NAP1L1: variants seen among roughly 807,000 people sequenced by gnomAD.
The protein encoded by NAP1L1 is nucleosome assembly protein 1 like 1.
A neutral mutation model predicts 58.9 loss-of-function variants in NAP1L1; 9 were observed. That is an observed-to-expected ratio of 0.15 (90% CI 0.09 to 0.27). The LOEUF is 0.27. Among genes scored for constraint, NAP1L1 ranks in the 10% least tolerant of loss-of-function variants. The pLI is 1.00. For synonymous variants in NAP1L1, 130 were observed against 138.3 expected (o/e 0.94, Z 0.42); for missense variants, 302 against 458.8 (o/e 0.66, Z 3.12).
Position 76,050,514 on chromosome 12 carries a change from G to T in NAP1L1, c.1059+17C>A, listed in dbSNP as rs544438460. The T allele has an allele frequency of 1.9e-6, 3 of 1,594,620 alleles. No individual in the cohort carries two copies. The African/African-American group carries it at 4.1e-5, about 22-fold the overall frequency. The stretch of plus-strand genomic sequence containing the variant: ...CCCTCAACCAATTATTTCTTTGCAG[G>T]ATTCAAATTCGCTTACATCATCATC... On this transcript the variant is annotated intron_variant, in intron 12 of 14. Coordinates refer to ENST00000618691, the MANE Select transcript of NAP1L1 (RefSeq NM_004537.7).
chr12:76,074,120 T>C lies in NAP1L1; in HGVS notation c.17+83A>G, dbSNP rs896119359. 5 of 1,175,910 alleles carry C rather than the reference T, an allele frequency of 4.3e-6. No individual in the cohort carries two copies. The African/African-American group carries it at 7.7e-5, about 18-fold the overall frequency. 72.8% of individuals were successfully genotyped at this position (1,175,910 alleles called of 1,614,324 possible). On this transcript the variant is annotated intron_variant, in intron 2 of 14. Coordinates refer to ENST00000618691, the MANE Select transcript of NAP1L1 (RefSeq NM_004537.7). ...CATTAGTAACTACATTTTCATAATA[T>C]ATAATTCATACTACTTGCTGTTAAG... is the stretch of plus-strand genomic sequence containing the variant.
rs1384471727 is a variant in NAP1L1 at position 76,047,163 on chromosome 12, T to TAA, written c.*1265_*1266insTT. The TAA allele has an allele frequency of 3.3e-5, 5 of 152,448 alleles. No homozygotes were observed. Among genetic ancestry groups the TAA allele is most frequent in the African/African-American group, 4.8e-5 (2 of 41,438 alleles). 9.4% of individuals were successfully genotyped at this position (152,448 alleles called of 1,614,324 possible). On this transcript the variant is annotated 3_prime_UTR_variant, in exon 15 of 15. Coordinates refer to ENST00000618691, the MANE Select transcript of NAP1L1 (RefSeq NM_004537.7). The stretch of plus-strand genomic sequence containing the variant: ...ACAAATAGGCCCAAAATTTTGAGCT[T>TAA]TTAACAAGATTGAGAAACATTATAT...
chr12:76,072,567 C>T (rs1181661807), intron 2 of NAP1L1, among the ~76,000 whole-genome samples: 1 of 152,126 alleles, frequency 6.6e-6, no homozygotes, highest in Non-Finnish European at 1.5e-5. Flanking sequence ...TGAATTGCTG[C>T]ACTGAAAGGG....
At chr12:76,050,431 A>G (rs1948764330) in intron 12 of NAP1L1, 100 bp downstream of exon 12, 1 of 1,403,896 alleles carries the variant, frequency 7.1e-7, no homozygotes, top group African/African-American at 1.5e-5. Context: ...ATTTTGAATT[A>G]TATTATGTCC....
intron 3 of NAP1L1, among the ~76,000 whole-genome samples, chr12:76,067,975 G>C (rs1949762371): frequency 6.6e-6 from 1 of 152,112 alleles, no homozygotes. Flanking sequence ...GTTAATAGTT[G>C]GGACAGTCAA....
Position 76,043,112 on chromosome 12 carries a change from AACTT to A in NAP1L1, c.*5313_*5316del, listed in dbSNP as rs955036451. On this transcript the variant is annotated 3_prime_UTR_variant, in exon 15 of 15. Transcript: ENST00000618691. ...GTTCACTGCTGCTGCCACGTCATTT[AACTT>A]ACTTTTTCAGTTGCATATATATGAC... 6.6e-5 allele frequency: 10 copies of A among 152,178 alleles called. No individual in the cohort carries two copies. Among genetic ancestry groups the A allele is most frequent in the Admixed American group, 6.5e-5 (1 of 15,274 alleles). The allele number at this position is 152,178 out of a possible 1,614,324, so 9.4% of individuals were successfully genotyped here. A position where few individuals can be genotyped will look rare whatever the true frequency, so the allele number is the denominator to read the frequency against.
At chr12:76,057,806 A>G in intron 6 of NAP1L1, 3 of 1,550,700 alleles carry the variant, frequency 1.9e-6, no homozygotes. Flanking sequence ...GCAGGGGAAG[A>G]AGAGGAGAAG....
At chr12:76,058,640 C>G (rs1233135567) in intron 6 of NAP1L1, among the ~76,000 whole-genome samples, 2 of 152,106 alleles carry the variant, frequency 1.3e-5, no homozygotes, top group African/African-American at 4.8e-5. Flanking sequence ...CCCACCTAGG[C>G]CTCCCAAAGT....
At chr12:76,060,063 T>C in intron 5 of NAP1L1, 75 bp downstream of exon 5, 1 of 1,475,378 alleles carries the variant, frequency 6.8e-7, no homozygotes, top group South Asian at 1.2e-5. Flanking sequence ...AAGATTAACC[T>C]CTTCCAAGTC....
At chr12:76,065,406 AT>A (rs1380786454) in intron 4 of NAP1L1, among the ~76,000 whole-genome samples, 9 of 152,108 alleles carry the variant, frequency 5.9e-5, no homozygotes, top group Non-Finnish European at 2.9e-5. Context: ...AGTATGTGGT[AT>A]AATGTAATGT....
chr12:76,076,178 C>G (rs1029181394), intron 1 of NAP1L1, among the ~76,000 whole-genome samples: 32 of 152,288 alleles, frequency 2.1e-4, no homozygotes, highest in African/African-American at 7.5e-4. Flanking sequence ...CAAAGTTTCA[C>G]TCCCCAGAGA....
chr12:76,076,621 T>C (rs1401268486), intron 1 of NAP1L1, among the ~76,000 whole-genome samples: 1 of 145,172 alleles, frequency 6.9e-6, no homozygotes, highest in African/African-American at 2.5e-5. Flanking sequence ...CATACTTTAA[T>C]ACAAATAAAC....
chr12:76,059,672 A>C (rs1475257030), intron 6 of NAP1L1, 126 bp downstream of exon 6: 1 of 681,362 alleles, frequency 1.5e-6, no homozygotes, highest in African/African-American at 1.9e-5. Flanking sequence ...TAAAGACGTA[A>C]AATTAAAAAA....
intron 1 of NAP1L1, among the ~76,000 whole-genome samples, chr12:76,075,513 T>C (rs1400406129): frequency 6.6e-6 from 1 of 152,212 alleles, no homozygotes; most frequent in Non-Finnish European, 1.5e-5. Context: ...ACCTAGTATC[T>C]ATCCTTTAGA....
At position 76,053,226 on chromosome 12, in the gene NAP1L1, TAAAG is replaced by T; in HGVS notation, c.891_894del (p.Phe297LeufsTer37). On this transcript the variant is annotated frameshift_variant, in exon 10 of 15. Coordinates refer to ENST00000618691, the MANE Select transcript of NAP1L1 (RefSeq NM_004537.7). LOFTEE classifies it high-confidence loss of function. The stretch of plus-strand genomic sequence containing the variant: ...TTACCTTCAGGAGGGGCAAAAAAGT[TAAAG>T]AAAGAGTCATTGGAAACTGTTTTAG... The T allele has an allele frequency of 3.1e-6, 5 of 1,613,924 alleles. No individual in the cohort carries two copies. The highest frequency in any genetic ancestry group is 1.3e-5 in the African/African-American group (1 of 75,032).
rs1387600065 is a variant in NAP1L1 at position 76,060,423 on chromosome 12, C to A, written c.207-144G>T. On this transcript the variant is annotated intron_variant, in intron 4 of 14. Coordinates refer to ENST00000618691, the MANE Select transcript of NAP1L1 (RefSeq NM_004537.7). ...AGGTAGATTCAAAGTAAATAAAAAT[C>A]AAATAGATATAAATACATTGATCCA... The A allele has an allele frequency of 5.3e-6, 4 of 757,004 alleles. No homozygotes were observed. In the African/African-American group the frequency reaches 7.0e-5, roughly 13 times the overall value. 46.9% of individuals were successfully genotyped at this position (757,004 alleles called of 1,614,324 possible).
At chr12:76,074,054 T>C in intron 2 of NAP1L1, 149 bp downstream of exon 2, 1 of 664,606 alleles carries the variant, frequency 1.5e-6, no homozygotes, top group Non-Finnish European at 2.6e-6. Flanking sequence ...TATTTTACCT[T>C]GAATACACTG....
rs1489458333 is a variant in NAP1L1, at chr12:76,053,239, A to G, written c.882T>C (p.Asn294=). The G allele has an allele frequency of 6.2e-7, 1 of 1,613,944 alleles. No homozygotes were observed. Among genetic ancestry groups the G allele is most frequent in the Non-Finnish European group, 8.5e-7 (1 of 1,179,974 alleles). ...TVRTVTKTVS[N]DSFFNFFAPP... ...GGGCAAAAAAGTTAAAGAAAGAGTC[A>G]TTGGAAACTGTTTTAGTCACAGTAC... Residue 294 remains asparagine (N), a synonymous_variant, in exon 10 of 15, where the codon AAT becomes AAC. Transcript: ENST00000618691.
intron 4 of NAP1L1, among the ~76,000 whole-genome samples, chr12:76,066,150 AAACAAACC>A (rs1565734925): frequency 7.3e-6 from 1 of 137,248 alleles, no homozygotes; most frequent in Non-Finnish European, 1.6e-5. Flanking sequence ...ACAAACAAAC[AAACAAACC>A]TGGCTCAAAA....
Sources: allele counts gnomAD v4.1 joint callset (sites outside exome capture counted in the v4.1 genomes callset), GRCh38; gene constraint gnomAD v4.1.1; transcripts MANE v1.5; gene names NCBI Gene and HGNC (gene_info 2026-07-23, HGNC 2026-07-21).